Variants in ARCN1 observed in about 807,000 individuals in gnomAD.
ARCN1 encodes coatomer subunit delta.
ARCN1 carries 5 observed loss-of-function variants against 60.4 expected under a neutral mutation model. The ratio of observed to expected loss-of-function variants is 0.08; its 90% CI spans 0.04 to 0.17. The LOEUF (loss-of-function observed/expected upper bound fraction) is 0.17. Among genes scored for constraint, ARCN1 ranks in the 10% least tolerant of loss-of-function variants. The probability of loss-of-function intolerance (pLI) is 1.00; values close to 1 mark genes in which losing one functional copy is unlikely to be tolerated. For missense variants in ARCN1, 464 were observed against 626.5 expected (o/e 0.74, Z 2.77); for synonymous variants, 224 against 220.0 (o/e 1.02, Z -0.16).
chr11:118,584,899 C>A (rs1051685154), intron 5 of ARCN1, among the ~76,000 whole-genome samples: 2 of 150,724 alleles, frequency 1.3e-5, no homozygotes, highest in East Asian at 3.9e-4. Context: ...GATCTCGGCT[C>A]GCTGCAAGCT....
intron 1 of ARCN1, among the ~76,000 whole-genome samples, chr11:118,574,609 A>T (rs886424098): frequency 1.3e-5 from 2 of 152,326 alleles, no homozygotes; most frequent in Middle Eastern, 3.4e-3. Flanking sequence ...TTGATTTTTT[A>T]AAAAATAAAT....
rs972653129 is a variant in ARCN1, at chr11:118,601,288, C to T, written c.*574C>T. The T allele has an allele frequency of 7.9e-6, 3 of 381,496 alleles. No homozygotes were observed. Among genetic ancestry groups the T allele is most frequent in the Admixed American group, 7.9e-5 (2 of 25,396 alleles). 23.6% of individuals were successfully genotyped at this position (381,496 alleles called of 1,614,324 possible). ...TGTTGCCCAGGCTGGTCGCGAACTC[C>T]TGAGCTCAGGCAATCCGCCCACCTC... On this transcript the variant is annotated 3_prime_UTR_variant, in exon 10 of 10. Transcript: ENST00000264028.
At chr11:118,579,240 A>G (rs1938594763) in intron 1 of ARCN1, among the ~76,000 whole-genome samples, 1 of 152,046 alleles carries the variant, frequency 6.6e-6, no homozygotes, top group African/African-American at 2.4e-5. Flanking sequence ...GTTCTTTGCA[A>G]ATTTGGGACA....
Position 118,600,933 on chromosome 11 carries a change from G to T in ARCN1, c.*219G>T. The T allele has an allele frequency of 3.0e-6, 1 of 334,370 alleles. No individual in the cohort carries two copies. The highest frequency in any genetic ancestry group is 5.5e-6 in the Non-Finnish European group (1 of 182,764). 20.7% of individuals were successfully genotyped at this position (334,370 alleles called of 1,614,324 possible). ...AAATGGCACAAACATAAAGGGAAAG[G>T]CTGCTAATTTTCTTTGGCAGATTGT... On this transcript the variant is annotated 3_prime_UTR_variant, in exon 10 of 10. Coordinates refer to ENST00000264028, the MANE Select transcript of ARCN1 (RefSeq NM_001655.5).
chr11:118,597,303 G>GT (rs1445048525), intron 8 of ARCN1, among the ~76,000 whole-genome samples: 1 of 152,188 alleles, frequency 6.6e-6, no homozygotes, highest in Non-Finnish European at 1.5e-5. Flanking sequence ...CAATCTGCTT[G>GT]TTTCCCCATT....
At position 118,590,552 on chromosome 11, in the gene ARCN1, A is replaced by G. The variant is rs111252752; in HGVS notation, c.984+46A>G. 2.3e-4 allele frequency: 358 copies of G among 1,581,302 alleles called. 1 individual carries two copies. The African/African-American group carries it at 3.9e-3, about 17-fold the overall frequency. ...GGGAGTATTAACACTTTGTCTACCT[A>G]TTATAGTCTTTCTCAACTAGAGTTC... On this transcript the variant is annotated intron_variant, in intron 6 of 9. Coordinates refer to ENST00000264028, the MANE Select transcript of ARCN1 (RefSeq NM_001655.5).
At chr11:118,588,528 G>A (rs1938824867) in intron 5 of ARCN1, among the ~76,000 whole-genome samples, 1 of 152,206 alleles carries the variant, frequency 6.6e-6, no homozygotes, top group South Asian at 2.1e-4. Flanking sequence ...TTGACATATG[G>A]TTGACAGATC....
intron 1 of ARCN1, among the ~76,000 whole-genome samples, chr11:118,580,613 ATAT>A (rs1555074412): frequency 6.6e-6 from 1 of 152,188 alleles, no homozygotes; most frequent in African/African-American, 2.4e-5. Context: ...ATAATTTTTA[ATAT>A]TATCAATTAT....
chr11:118,586,105 C>A, intron 5 of ARCN1, among the ~76,000 whole-genome samples: 1 of 151,926 alleles, frequency 6.6e-6, no homozygotes, highest in East Asian at 1.9e-4. Flanking sequence ...TCCTTTCTTT[C>A]TTCCTTTCTT....
At chr11:118,583,730 GC>G in intron 3 of ARCN1, 78 bp from the exon 4 acceptor site, 1 of 1,469,508 alleles carries the variant, frequency 6.8e-7, no homozygotes, top group South Asian at 1.3e-5. Context: ...TTGCACTCCA[GC>G]CTGGGTCACA....
intron 1 of ARCN1, chr11:118,573,764 A>G (rs1396165673): frequency 3.1e-6 from 2 of 644,238 alleles, no homozygotes; most frequent in Non-Finnish European, 5.7e-6. Flanking sequence ...AGGCCACTGA[A>G]CAGCTTTTCT....
chr11:118,579,848 C>T (rs1938612630), intron 1 of ARCN1, among the ~76,000 whole-genome samples: 1 of 151,916 alleles, frequency 6.6e-6, no homozygotes, highest in African/African-American at 2.4e-5. Flanking sequence ...TCTTTATGAA[C>T]ATCATGTCAT....
Position 118,576,715 on chromosome 11 carries a change from GCC to G in ARCN1, c.3+4166_3+4167del, listed in dbSNP as rs1325970527. Reference sequence around the variant, plus strand: ...TGTAACAGAGAGACCTGTGTCAACTGCCTGGAACCTGTAATTTGTGGTGTCCT... The same window carrying G: ...TGTAACAGAGAGACCTGTGTCAACTGTGGAACCTGTAATTTGTGGTGTCCT... On this transcript the variant is annotated intron_variant, in intron 1 of 9. Transcript: ENST00000264028. Among the ~76,000 whole-genome samples the G allele has an allele frequency of 7.9e-5, 12 of 152,286 alleles. No homozygotes were observed. In the South Asian group the frequency reaches 1.9e-3, roughly 24 times the overall value.
At chr11:118,580,572 A>C (rs979695532) in intron 1 of ARCN1, among the ~76,000 whole-genome samples, 1 of 152,204 alleles carries the variant, frequency 6.6e-6, no homozygotes, top group Non-Finnish European at 1.5e-5. Flanking sequence ...TATTACCATG[A>C]TAGCATATTT....
chr11:118,592,758 G>T lies in ARCN1; in HGVS notation c.1034G>T (p.Gly345Val). ...KKLFTAESLIGLKNPEKSFPV... is the reference protein window; with the variant it reads ...KKLFTAESLIVLKNPEKSFPV... Reference sequence around the variant, plus strand: ...CTTTTCACTGCAGAGTCTCTAATTGGCCTGAAGAATCCAGAGAAGTCATTT... The same window carrying T: ...CTTTTCACTGCAGAGTCTCTAATTGTCCTGAAGAATCCAGAGAAGTCATTT... The change falls in exon 7 of 10, where the codon GGC (glycine) becomes GTC (valine). Residue 345 changes from glycine to valine, a missense_variant. By Grantham distance (109) the Gly-to-Val change is moderately radical. Transcript: ENST00000264028. 1 of 1,613,956 alleles carries T rather than the reference G, an allele frequency of 6.2e-7. No homozygotes were observed. The highest frequency in any genetic ancestry group is 1.1e-5 in the South Asian group (1 of 91,066).
chr11:118,573,578 A>G, intron 1 of ARCN1: 1 of 652,024 alleles, frequency 1.5e-6, no homozygotes, highest in Admixed American at 2.4e-5. Flanking sequence ...TAGTCTTTTG[A>G]AGGATGTTCT....
At chr11:118,592,935 T>C (rs1312060830) in intron 7 of ARCN1, 79 bp downstream of exon 7, 1 of 1,389,124 alleles carries the variant, frequency 7.2e-7, no homozygotes, top group Non-Finnish European at 9.7e-7. Flanking sequence ...ACTTTTATTT[T>C]TATTACCATA....
In ARCN1 at chr11:118,584,894, C is replaced by T. The variant is rs375285661; in HGVS notation, c.818+250C>T. Among the ~76,000 whole-genome samples, 440 of 151,492 alleles carry T rather than the reference C, an allele frequency of 2.9e-3. 2 individuals carry two copies. The highest frequency in any genetic ancestry group is 0.01 in the African/African-American group (420 of 41,242). On this transcript the variant is annotated intron_variant, in intron 5 of 9. Coordinates refer to ENST00000264028, the MANE Select transcript of ARCN1 (RefSeq NM_001655.5). The stretch of plus-strand genomic sequence containing the variant: ...AGGCTGGAGTGCAGTGGTGTGATCT[C>T]GGCTCGCTGCAAGCTCTCCCTCCCA...
At chr11:118,576,721 A>G (rs1555073721) in intron 1 of ARCN1, among the ~76,000 whole-genome samples, 1 of 152,178 alleles carries the variant, frequency 6.6e-6, no homozygotes, top group African/African-American at 2.4e-5. Context: ...AACTGCCTGG[A>G]ACCTGTAATT....
Sources: allele counts gnomAD v4.1 joint callset (sites outside exome capture counted in the v4.1 genomes callset), GRCh38; gene constraint gnomAD v4.1.1; transcripts MANE v1.5; gene names NCBI Gene and HGNC (gene_info 2026-07-23, HGNC 2026-07-21).